Variants in TEAD4 observed in about 807,000 individuals in gnomAD.
TEAD4 encodes the protein transcriptional enhancer factor TEF-3.
Under a neutral mutation model 52.4 loss-of-function variants are expected in TEAD4, and 36 were observed. That is an observed-to-expected ratio of 0.69 (90% confidence interval 0.53 to 0.91). The LOEUF (loss-of-function observed/expected upper bound fraction) is 0.91. Among genes scored for constraint, TEAD4 ranks in the 40% least tolerant of loss-of-function variants. The pLI is 0.00. For synonymous variants in TEAD4, 220 were observed against 231.0 expected (o/e 0.95, Z 0.43); for missense variants, 508 against 583.9 (o/e 0.87, Z 1.34).
intron 2 of TEAD4, among the ~76,000 whole-genome samples, chr12:2,966,437 G>GA (rs1251409115): frequency 3.3e-5 from 5 of 150,094 alleles, no homozygotes; most frequent in East Asian, 3.9e-4. Context: ...TTTTGAGATG[G>GA]GTCTTGCTCT....
chr12:2,965,828 G>C (rs1055776423), intron 2 of TEAD4, among the ~76,000 whole-genome samples: 1 of 152,148 alleles, frequency 6.6e-6, no homozygotes, highest in Non-Finnish European at 1.5e-5. Context: ...ACAGGCGTGA[G>C]CCACCGCGCC....
intron 3 of TEAD4, among the ~76,000 whole-genome samples, chr12:3,009,181 A>G (rs1315620753): frequency 6.6e-6 from 1 of 152,230 alleles, no homozygotes; most frequent in East Asian, 1.9e-4. Context: ...TAATCCCAGC[A>G]CTTTGGGAGG....
intron 8 of TEAD4, among the ~76,000 whole-genome samples, chr12:3,020,223 C>T (rs993555578): frequency 5.9e-5 from 9 of 152,336 alleles, no homozygotes; most frequent in South Asian, 4.1e-4. Context: ...GAAACGTCCC[C>T]GTCTCTCCGG....
intron 2 of TEAD4, among the ~76,000 whole-genome samples, chr12:2,975,810 G>A (rs539835576): frequency 6.6e-6 from 1 of 152,162 alleles, no homozygotes; most frequent in South Asian, 2.1e-4. Context: ...TAGCATCACC[G>A]TTCCCCAAAT....
intron 2 of TEAD4, among the ~76,000 whole-genome samples, chr12:2,971,569 G>A (rs1207186877): frequency 6.6e-5 from 10 of 151,262 alleles, no homozygotes; most frequent in African/African-American, 2.4e-4. Context: ...TCCGCCTCCC[G>A]GGTTCATGCC....
chr12:3,017,156 G>T lies in TEAD4; in HGVS notation c.355-242G>T. 4 of 668,424 alleles carry T rather than the reference G, an allele frequency of 6.0e-6. No homozygotes were observed. The Admixed American group carries it at 6.4e-5, about 11-fold the overall frequency. The allele number at this position is 668,424 out of a possible 1,614,324, so 41.4% of individuals were successfully genotyped here. Reference sequence around the variant, plus strand: ...AAAATGACAGATAATGTCTCTGTAAGCTCTGATGAAAGAAGCAGGGCAAGT... The same window carrying T: ...AAAATGACAGATAATGTCTCTGTAATCTCTGATGAAAGAAGCAGGGCAAGT... On this transcript the variant is annotated intron_variant, in intron 5 of 12. Coordinates refer to ENST00000359864, the MANE Select transcript of TEAD4 (RefSeq NM_003213.4).
chr12:2,976,130 C>T (rs145695703), intron 2 of TEAD4, among the ~76,000 whole-genome samples: 7,406 of 151,848 alleles, frequency 0.049, 196 homozygotes, highest in South Asian at 0.075. Flanking sequence ...CTCAGCCTCC[C>T]GAGTAGCTGG....
At chr12:2,984,150 A>G (rs537009879) in intron 2 of TEAD4, among the ~76,000 whole-genome samples, 1 of 152,302 alleles carries the variant, frequency 6.6e-6, no homozygotes, top group East Asian at 1.9e-4. Context: ...GGTTCAAAGA[A>G]GGAAGTACAG....
At chr12:3,006,761 G>T (rs2098256267) in intron 3 of TEAD4, among the ~76,000 whole-genome samples, 1 of 151,156 alleles carries the variant, frequency 6.6e-6, no homozygotes, top group South Asian at 2.1e-4. Flanking sequence ...TGTGGTGGCT[G>T]ATGCCTGTAA....
intron 3 of TEAD4, among the ~76,000 whole-genome samples, chr12:3,008,645 G>T (rs1231539696): frequency 1.3e-5 from 2 of 152,170 alleles, no homozygotes; most frequent in Non-Finnish European, 1.5e-5. Context: ...CACAGTGGCT[G>T]TATGAATTCT....
At chr12:2,964,266 G>T (rs568001384) in intron 2 of TEAD4, among the ~76,000 whole-genome samples, 1 of 152,180 alleles carries the variant, frequency 6.6e-6, no homozygotes, top group South Asian at 2.1e-4. Context: ...TTCCCCTCAA[G>T]CCCCTGAGAT....
intron 2 of TEAD4, among the ~76,000 whole-genome samples, chr12:2,984,395 G>T (rs146199418): frequency 4.6e-5 from 7 of 152,178 alleles, no homozygotes; most frequent in Admixed American, 4.6e-4. Flanking sequence ...GATGTGCATC[G>T]CTGGAAGCTT....
At chr12:3,004,732 G>C (rs777854829) in intron 3 of TEAD4, among the ~76,000 whole-genome samples, 1 of 152,218 alleles carries the variant, frequency 6.6e-6, no homozygotes. Flanking sequence ...TACTGATGAG[G>C]TATGCAGCAA....
chr12:2,993,095 T>A (rs2098244440), intron 2 of TEAD4, among the ~76,000 whole-genome samples: 1 of 152,222 alleles, frequency 6.6e-6, no homozygotes, highest in African/African-American at 2.4e-5. Flanking sequence ...TATGCGTTTT[T>A]AAAAATTTTT....
rs556786923 is a variant in TEAD4, at chr12:2,992,179, C to T, written c.-29-2559C>T. ...GATTACAGGCACCCGCCACCATGCCCGGCTAATTTTTTTATTTTTAGTAGA... is the reference window on the plus strand; with the variant it reads ...GATTACAGGCACCCGCCACCATGCCTGGCTAATTTTTTTATTTTTAGTAGA... On this transcript the variant is annotated intron_variant, in intron 2 of 12. Coordinates refer to ENST00000359864, the MANE Select transcript of TEAD4 (RefSeq NM_003213.4). Among the ~76,000 whole-genome samples the T allele has an allele frequency of 2.1e-3, 325 of 152,086 alleles. 2 individuals are homozygous for T. Among genetic ancestry groups the T allele is most frequent in the South Asian group, 6.2e-3 (30 of 4,820 alleles).
Position 3,017,510 on chromosome 12 carries a change from G to T in TEAD4, c.467G>T (p.Arg156Leu). The T allele has an allele frequency of 6.2e-7, 1 of 1,613,460 alleles. No homozygotes were observed. The highest frequency in any genetic ancestry group is 2.2e-5 in the East Asian group (1 of 44,868). The change falls in exon 6 of 13, where the codon CGC becomes CTC. Residue 156 changes from arginine to leucine, a missense_variant. Transcript: ENST00000359864. Reference sequence around the variant, plus strand: ...ATGGCCCTCGCCCGGGGCCCCGGCCGCCCAGCAGTCTCAGGGGTAAGTGGG... The same window carrying T: ...ATGGCCCTCGCCCGGGGCCCCGGCCTCCCAGCAGTCTCAGGGGTAAGTGGG...
chr12:3,031,608 G>T (rs1364131814), intron 10 of TEAD4, among the ~76,000 whole-genome samples: 1 of 152,240 alleles, frequency 6.6e-6, no homozygotes, highest in African/African-American at 2.4e-5. Context: ...GGGCACTCCT[G>T]TTGGATACAT....
At chr12:2,977,092 G>A (rs1275880029) in intron 2 of TEAD4, among the ~76,000 whole-genome samples, 1 of 70,194 alleles carries the variant, frequency 1.4e-5, no homozygotes, top group Non-Finnish European at 3.3e-5. Flanking sequence ...TGTGCTCATG[G>A]ACATGATGGA....
At chr12:3,000,609 G>GA (rs1565537023) in intron 3 of TEAD4, among the ~76,000 whole-genome samples, 2 of 152,304 alleles carry the variant, frequency 1.3e-5, no homozygotes, top group East Asian at 3.9e-4. Flanking sequence ...CCACATGGGG[G>GA]ATTACATTTC....
Sources: gnomAD v4.1 joint callset for allele counts (sites outside exome capture counted in the v4.1 genomes callset) on GRCh38, gnomAD v4.1.1 for gene constraint, MANE v1.5 for transcripts, NCBI Gene and HGNC (gene_info 2026-07-23, HGNC 2026-07-21) for gene names.